CELF5: variants seen among roughly 807,000 people sequenced by gnomAD.
The protein encoded by CELF5 is CUG-BP and ETR-3 like factor 5.
A neutral mutation model predicts 54.9 loss-of-function variants in CELF5; 6 were observed. That is an observed-to-expected ratio of 0.11 (90% CI 0.06 to 0.22). The LOEUF (loss-of-function observed/expected upper bound fraction) is 0.22. Among genes scored for constraint, CELF5 ranks in the 10% least tolerant of loss-of-function variants. CELF5 has a pLI of 1.00. For synonymous variants in CELF5, 271 were observed against 290.9 expected, an observed-to-expected ratio of 0.93 and a Z score of 0.70; for missense variants, 401 against 678.6, an observed-to-expected ratio of 0.59 and a Z score of 4.54.
At chr19:3,242,141 A>T (rs1210154011) in intron 1 of CELF5, among the ~76,000 whole-genome samples, 5 of 152,176 alleles carry the variant, frequency 3.3e-5, no homozygotes, top group African/African-American at 1.2e-4. Context: ...GTTCTTCCTC[A>T]TATTCCTTGG....
chr19:3,274,338 G>A (rs187342860), intron 3 of CELF5, among the ~76,000 whole-genome samples: 19 of 152,338 alleles, frequency 1.2e-4, no homozygotes, highest in Non-Finnish European at 2.5e-4. Flanking sequence ...TTAAATGTGT[G>A]TGTATATGAC....
intron 1 of CELF5, among the ~76,000 whole-genome samples, chr19:3,230,468 A>T (rs1917202824): frequency 6.6e-6 from 1 of 152,224 alleles, no homozygotes; most frequent in Non-Finnish European, 1.5e-5. Flanking sequence ...AACTGGATCT[A>T]TGAAGGCCTG....
At position 3,281,369 on chromosome 19, in the gene CELF5, G is replaced by C; in HGVS notation, c.750+24G>C. 1.3e-6 allele frequency: 2 copies of C among 1,584,962 alleles called. No homozygotes were observed. The highest frequency in any genetic ancestry group is 1.7e-5 in the Admixed American group (1 of 59,566). On this transcript the variant is annotated intron_variant, in intron 6 of 12. Coordinates refer to ENST00000292672, the MANE Select transcript of CELF5 (RefSeq NM_021938.4). The surrounding 1 kb of genome is among the most constrained non-coding windows in gnomAD (Gnocchi z 6.5). ...CTGTGAGTGACCCAGTGACAGCTTC[G>C]GGGCTCCGGCTCCGTCTCTCTCAGT...
intron 2 of CELF5, among the ~76,000 whole-genome samples, chr19:3,255,960 G>A (rs888660293): frequency 6.6e-6 from 1 of 151,430 alleles, no homozygotes; most frequent in African/African-American, 2.4e-5. Flanking sequence ...AGCTACTCGG[G>A]AGGCTGAGGC....
intron 1 of CELF5, among the ~76,000 whole-genome samples, chr19:3,248,853 T>TCTTC (rs56977899): frequency 0.17 from 19,678 of 118,472 alleles, 2,192 homozygotes; most frequent in Middle Eastern, 0.19. Flanking sequence ...TTTCTTTCTT[T>TCTTC]CTTCCTTCCT....
rs373558030 is a variant in CELF5, at chr19:3,234,961, C to T, written c.259+9963C>T. Among the ~76,000 whole-genome samples, 16 of 152,224 alleles carry T rather than the reference C, an allele frequency of 1.1e-4. No individual in the cohort carries two copies. In the East Asian group the frequency reaches 2.9e-3, roughly 28 times the overall value. ...TGTGAGCACCTGAGTCAGGACCCGT[C>T]CCTCCTCTGCCTGCAGCCCTCCGTG... On this transcript the variant is annotated intron_variant, in intron 1 of 12. Coordinates refer to ENST00000292672, the MANE Select transcript of CELF5 (RefSeq NM_021938.4).
intron 1 of CELF5, among the ~76,000 whole-genome samples, chr19:3,245,812 A>G (rs2079558664): frequency 6.6e-6 from 1 of 152,170 alleles, no homozygotes; most frequent in African/African-American, 2.4e-5. Context: ...AGCTCCCCCA[A>G]AGTGACAAGG....
chr19:3,241,877 C>T lies in CELF5; in HGVS notation c.260-9108C>T, dbSNP rs567745443. Among the ~76,000 whole-genome samples, 18 of 152,238 alleles carry T rather than the reference C, an allele frequency of 1.2e-4. No individual in the cohort carries two copies. The South Asian group carries it at 3.5e-3, about 30-fold the overall frequency. ...TGCAACCTTATCTCCCGGGTTCGAG[C>T]AATTCTCCTGCCTCAACCTCCCGTG... On this transcript the variant is annotated intron_variant, in intron 1 of 12. Transcript: ENST00000292672.
intron 1 of CELF5, among the ~76,000 whole-genome samples, chr19:3,247,810 G>C (rs776203531): frequency 6.6e-6 from 1 of 152,042 alleles, no homozygotes; most frequent in African/African-American, 2.4e-5. Context: ...TGCCCAGGCT[G>C]GAGTGCAGTG....
intron 2 of CELF5, among the ~76,000 whole-genome samples, chr19:3,271,645 G>C (rs924116106): frequency 6.6e-6 from 1 of 152,110 alleles, no homozygotes; most frequent in Non-Finnish European, 1.5e-5. Flanking sequence ...GTCTTAGAGA[G>C]GGGAGGGGAC....
At chr19:3,242,245 G>A (rs1383300388) in intron 1 of CELF5, among the ~76,000 whole-genome samples, 2 of 152,122 alleles carry the variant, frequency 1.3e-5, no homozygotes, top group Non-Finnish European at 2.9e-5. Flanking sequence ...TTAAGCCCTC[G>A]ACATTTGGCC....
chr19:3,241,610 C>T (rs1372569965), intron 1 of CELF5, among the ~76,000 whole-genome samples: 3 of 151,982 alleles, frequency 2.0e-5, no homozygotes, highest in Non-Finnish European at 4.4e-5. Context: ...AGAGGCTCAC[C>T]TGGCGTGGGT....
chr19:3,275,132 C>G lies in CELF5; in HGVS notation c.395-724C>G, dbSNP rs1455702893. Among the ~76,000 whole-genome samples, 1 of 152,096 alleles carries G rather than the reference C, an allele frequency of 6.6e-6. No individual in the cohort carries two copies. Among genetic ancestry groups the G allele is most frequent in the Non-Finnish European group, 1.5e-5 (1 of 68,034 alleles). On this transcript the variant is annotated intron_variant, in intron 3 of 12. Coordinates refer to ENST00000292672, the MANE Select transcript of CELF5 (RefSeq NM_021938.4). This position sits in a 1 kb window ranked among gnomAD's most constrained non-coding sequence, Gnocchi z 6.7. The stretch of plus-strand genomic sequence containing the variant: ...TTCCATAGTAACCCAGCTCACCGTC[C>G]CTAGGAGATGAAGCCACCACGTTCC...
intron 5 of CELF5, among the ~76,000 whole-genome samples, chr19:3,279,855 A>C (rs2080118506): frequency 6.6e-6 from 1 of 152,150 alleles, no homozygotes; most frequent in African/African-American, 2.4e-5. Flanking sequence ...GGCACGCGCC[A>C]CCACACCTGG....
intron 2 of CELF5, among the ~76,000 whole-genome samples, chr19:3,267,501 CA>C (rs879665948): frequency 6.6e-6 from 1 of 152,214 alleles, no homozygotes; most frequent in Non-Finnish European, 1.5e-5. Context: ...TTCCCATCCC[CA>C]AAGCCAGAGC....
At chr19:3,233,134 T>G (rs1032907877) in intron 1 of CELF5, among the ~76,000 whole-genome samples, 32 of 151,728 alleles carry the variant, frequency 2.1e-4, no homozygotes, top group African/African-American at 7.2e-4. Context: ...AATAAGTTTT[T>G]AAAAAAGCTG....
At position 3,282,171 on chromosome 19, in the gene CELF5, C is replaced by T. The variant is rs775050457; in HGVS notation, c.796C>T (p.Leu266=). ...AGTCCTGTCCACCTCGGGCAGCTAC[C>T]TGAGTCCCGGCGTGGCCTTCTCACC... The part of the protein sequence containing the change: ...TTVLSTSGSY[L]SPGVAFSPCH... Residue 266 remains leucine, a synonymous_variant, in exon 7 of 13, where the codon CTG becomes TTG. Coordinates refer to ENST00000292672, the MANE Select transcript of CELF5 (RefSeq NM_021938.4). This position sits in a 1 kb window ranked among gnomAD's most constrained non-coding sequence, Gnocchi z 5.2. 8 of 1,614,246 alleles carry T rather than the reference C, an allele frequency of 5.0e-6. No individual in the cohort carries two copies. The East Asian group carries it at 1.8e-4, about 36-fold the overall frequency.
chr19:3,227,976 C>T (rs1397933122), intron 1 of CELF5, among the ~76,000 whole-genome samples: 1 of 152,042 alleles, frequency 6.6e-6, no homozygotes, highest in Non-Finnish European at 1.5e-5. Context: ...AGCCAGATTC[C>T]TAGAGGCCGT....
chr19:3,284,864 C>G, intron 8 of CELF5, 38 bp from the exon 9 acceptor site: 1 of 1,595,154 alleles, frequency 6.3e-7, no homozygotes, highest in Non-Finnish European at 8.6e-7. Context: ...AAGACTTCTG[C>G]TGCTCCCGCC....
Sources: allele counts gnomAD v4.1 joint callset (sites outside exome capture counted in the v4.1 genomes callset), GRCh38; gene constraint gnomAD v4.1.1; non-coding constraint Gnocchi (gnomAD v3.1); transcripts MANE v1.5; gene names NCBI Gene and HGNC (gene_info 2026-07-23, HGNC 2026-07-21).